ZNF250: variants seen among roughly 807,000 people sequenced by gnomAD.
ZNF250 encodes zinc finger protein (clone 647).
A neutral mutation model predicts 37.1 loss-of-function variants in ZNF250; 13 were observed. The ratio of observed to expected loss-of-function variants is 0.35; its 90% CI spans 0.23 to 0.56. The LOEUF is 0.56. Among genes scored for constraint, ZNF250 ranks in the 20% least tolerant of loss-of-function variants. The pLI is 0.87. For synonymous variants in ZNF250, 251 were observed against 265.6 expected (o/e 0.94, Z 0.54); for missense variants, 474 against 697.9 (o/e 0.68, Z 3.61).
In ZNF250 at chr8:144,890,738, G is replaced by A. The variant is rs547891714; in HGVS notation, c.-54-335C>T. On this transcript the variant is annotated intron_variant, in intron 1 of 5. Coordinates refer to ENST00000417550, the MANE Select transcript of ZNF250 (RefSeq NM_001109689.4). The surrounding 1 kb of genome is among the most constrained non-coding windows in gnomAD (Gnocchi z 5.1). ...AAGGATACCAGCTCACCAAGGCTCTGTGTGTTCTATACCTGAGGCCCTCAC... is the reference window on the plus strand; with the variant it reads ...AAGGATACCAGCTCACCAAGGCTCTATGTGTTCTATACCTGAGGCCCTCAC... Among the ~76,000 whole-genome samples the A allele has an allele frequency of 6.6e-6, 1 of 152,286 alleles. No individual in the cohort carries two copies. Among genetic ancestry groups the A allele is most frequent in the South Asian group, 2.1e-4 (1 of 4,824 alleles).
intron 1 of ZNF250, among the ~76,000 whole-genome samples, chr8:144,899,021 T>G (rs1832910139): frequency 6.6e-6 from 1 of 152,198 alleles, no homozygotes; most frequent in Admixed American, 6.5e-5. Context: ...ATGTGGTATA[T>G]GTACACAATG....
rs1325381651 is a variant in ZNF250 at position 144,890,224 on chromosome 8, G to T, written c.42+84C>A. The T allele has an allele frequency of 3.3e-6, 5 of 1,501,912 alleles. No individual in the cohort carries two copies. Among genetic ancestry groups the T allele is most frequent in the Non-Finnish European group, 3.6e-6 (4 of 1,099,590 alleles). The allele number at this position is 1,501,912 out of a possible 1,614,324, so 93.0% of individuals were successfully genotyped here. A position where few individuals can be genotyped will look rare whatever the true frequency, so the allele number is the denominator to read the frequency against. On this transcript the variant is annotated intron_variant, in intron 2 of 5. Transcript: ENST00000417550. This position sits in a 1 kb window ranked among gnomAD's most constrained non-coding sequence, Gnocchi z 5.1. Reference sequence around the variant, plus strand: ...GTTCAGGGCATGTGGTGACGCTCTGGCTGCTCTTAGGAGCTCTACGGGGCA... The same window carrying T: ...GTTCAGGGCATGTGGTGACGCTCTGTCTGCTCTTAGGAGCTCTACGGGGCA...
At position 144,882,917 on chromosome 8, in the gene ZNF250, G is replaced by A. The variant is rs1831601562; in HGVS notation, c.347-81C>T. The A allele has an allele frequency of 6.6e-7, 1 of 1,506,884 alleles. No homozygotes were observed. The highest frequency in any genetic ancestry group is 1.3e-5 in the South Asian group (1 of 75,798). 93.3% of individuals were successfully genotyped at this position (1,506,884 alleles called of 1,614,324 possible). On this transcript the variant is annotated intron_variant, in intron 5 of 5. Coordinates refer to ENST00000417550, the MANE Select transcript of ZNF250 (RefSeq NM_001109689.4). The surrounding 1 kb of genome is among the most constrained non-coding windows in gnomAD (Gnocchi z 5.5). ...GTGCAACCCTGAAACTGGCCTTGCT[G>A]ATGAAGGTGCAAAATCCCTCAATGC...
At position 144,881,697 on chromosome 8, in the gene ZNF250, G is replaced by A. The variant is rs2129674502; in HGVS notation, c.1486C>T (p.His496Tyr). The A allele has an allele frequency of 6.2e-7, 1 of 1,614,072 alleles. No homozygotes were observed. The highest frequency in any genetic ancestry group is 2.2e-5 in the East Asian group (1 of 44,876). The change falls in exon 6 of 6, where the codon CAC becomes TAC. Residue 496 changes from histidine to tyrosine, a missense_variant. By Grantham distance (83) the His-to-Tyr change is moderately conservative. Transcript: ENST00000417550. ...CACTCATATGGCTTCTCGCCCGTGT[G>A]GGTCCTCAGGTGCACAATCAGAGTT... ...KATLIVHLRT[H>Y]TGEKPYECNS...
In ZNF250 at chr8:144,880,560, G is replaced by T. The variant is rs927971864; in HGVS notation, c.*955C>A. On this transcript the variant is annotated 3_prime_UTR_variant, in exon 6 of 6. Transcript: ENST00000417550. ...TTTCTGATCTTGAATAAAGTTAAAAGCTCCAGATAAAGGGTTTTCTAGGCC... is the reference window on the plus strand; with the variant it reads ...TTTCTGATCTTGAATAAAGTTAAAATCTCCAGATAAAGGGTTTTCTAGGCC... 4.4e-6 allele frequency: 2 copies of T among 451,934 alleles called. No homozygotes were observed. Among genetic ancestry groups the T allele is most frequent in the Admixed American group, 4.7e-5 (2 of 42,242 alleles). The allele number at this position is 451,934 out of a possible 1,614,324, so 28.0% of individuals were successfully genotyped here.
chr8:144,887,252 CAAAAAAAAAA>C (rs56677445), intron 4 of ZNF250, among the ~76,000 whole-genome samples: 2,779 of 63,106 alleles, frequency 0.044, 160 homozygotes, highest in East Asian at 0.3. Flanking sequence ...CTCCGTCTCT[CAAAAAAAAAA>C]AAAAAAAAAA....
rs1030805941 is a variant in ZNF250 at position 144,879,270 on chromosome 8, C to A, written c.*2245G>T. 1 of 152,212 alleles carries A rather than the reference C, an allele frequency of 6.6e-6. No individual in the cohort carries two copies. The highest frequency in any genetic ancestry group is 2.4e-5 in the African/African-American group (1 of 41,450). 9.4% of individuals were successfully genotyped at this position (152,212 alleles called of 1,614,324 possible). The stretch of plus-strand genomic sequence containing the variant: ...TTTCAGTTGCTCTGAAGTAAAACAC[C>A]AGTGATGTCAGCTCCTTTCTCAAGT... On this transcript the variant is annotated 3_prime_UTR_variant, in exon 6 of 6. Transcript: ENST00000417550.
Position 144,880,623 on chromosome 8 carries a change from G to A in ZNF250, c.*892C>T, listed in dbSNP as rs192863216. ...TCACGCCTGTAATCCCAACACTTTC[G>A]GAAGCAAAGGTGGGAGGATCACTTG... is the stretch of plus-strand genomic sequence containing the variant. On this transcript the variant is annotated 3_prime_UTR_variant, in exon 6 of 6. Coordinates refer to ENST00000417550, the MANE Select transcript of ZNF250 (RefSeq NM_001109689.4). 21 of 388,626 alleles carry A rather than the reference G, an allele frequency of 5.4e-5. No homozygotes were observed. Among genetic ancestry groups the A allele is most frequent in the African/African-American group, 4.0e-4 (19 of 48,030 alleles). 24.1% of individuals were successfully genotyped at this position (388,626 alleles called of 1,614,324 possible).
intron 1 of ZNF250, among the ~76,000 whole-genome samples, chr8:144,894,741 T>A (rs1387288340): frequency 6.6e-6 from 1 of 151,988 alleles, no homozygotes; most frequent in Non-Finnish European, 1.5e-5. Context: ...CAATGCAGCC[T>A]CCAACTCCTG....
Position 144,882,356 on chromosome 8 carries a change from T to C in ZNF250, c.827A>G (p.Lys276Arg), listed in dbSNP as rs2129685997. Reference protein sequence around the residue: ...AQHHKIHTGEKPHECLECRKA... With the variant: ...AQHHKIHTGERPHECLECRKA... Reference sequence around the variant, plus strand: ...CCGACACTCAAGACATTCGTGAGGCTTCTCTCCTGTATGTATCTTGTGATG... The same window carrying C: ...CCGACACTCAAGACATTCGTGAGGCCTCTCTCCTGTATGTATCTTGTGATG... The change falls in exon 6 of 6, where the codon AAG (lysine) becomes AGG (arginine). Residue 276 changes from lysine to arginine, a missense_variant. Physicochemically the swap from Lys to Arg is conservative, Grantham distance 26. This residue lies in a region of ZNF250 where 282 missense variants were observed against 470.4 expected (regional missense o/e 0.60). Transcript: ENST00000417550. The surrounding 1 kb of genome is among the most constrained non-coding windows in gnomAD (Gnocchi z 5.5). The C allele has an allele frequency of 6.2e-7, 1 of 1,613,990 alleles. No individual in the cohort carries two copies. The highest frequency in any genetic ancestry group is 2.2e-5 in the East Asian group (1 of 44,880).
At chr8:144,895,232 C>T (rs1053151698) in intron 1 of ZNF250, 6 of 152,150 alleles carry the variant, frequency 3.9e-5, no homozygotes, top group Non-Finnish European at 8.8e-5. Flanking sequence ...AAGTTACACA[C>T]CTGCTAAAGA....
intron 4 of ZNF250, among the ~76,000 whole-genome samples, chr8:144,888,631 C>G (rs1165742161): frequency 6.7e-6 from 1 of 149,590 alleles, no homozygotes; most frequent in African/African-American, 2.5e-5. Context: ...TTGTATCCAG[C>G]AAAACTGGTA....
chr8:144,888,999 A>G (rs746718312), intron 4 of ZNF250, among the ~76,000 whole-genome samples: 6 of 152,048 alleles, frequency 3.9e-5, no homozygotes, highest in Non-Finnish European at 8.8e-5. Flanking sequence ...TGATCTCCTG[A>G]CCTCGTGATC....
Position 144,886,603 on chromosome 8 carries a change from A to T in ZNF250, c.346+237T>A, listed in dbSNP as rs192248194. ...AAAGGAAACAAAATGATTTCACCGA[A>T]ATAAATGTTTAATTATAAAAACCCA... On this transcript the variant is annotated intron_variant, in intron 5 of 5. Coordinates refer to ENST00000417550, the MANE Select transcript of ZNF250 (RefSeq NM_001109689.4). 7.9e-5 allele frequency among the ~76,000 whole-genome samples: 12 copies of T among 152,334 alleles called. No individual in the cohort carries two copies. The East Asian group carries it at 2.3e-3, about 29-fold the overall frequency.
At position 144,890,831 on chromosome 8, in the gene ZNF250, A is replaced by T. The variant is rs1586911096; in HGVS notation, c.-54-428T>A. Among the ~76,000 whole-genome samples the T allele has an allele frequency of 6.6e-6, 1 of 151,646 alleles. No homozygotes were observed. Among genetic ancestry groups the T allele is most frequent in the Admixed American group, 6.6e-5 (1 of 15,216 alleles). On this transcript the variant is annotated intron_variant, in intron 1 of 5. Transcript: ENST00000417550. The surrounding 1 kb of genome is among the most constrained non-coding windows in gnomAD (Gnocchi z 5.1). ...ATCAGGCCAAGCTGCTTCCCCAAAC[A>T]CCCTCCCAATTAAGAAAGCCTTGGC... is the stretch of plus-strand genomic sequence containing the variant.
At position 144,890,492 on chromosome 8, in the gene ZNF250, G is replaced by A; in HGVS notation, c.-54-89C>T. ...TCAGGGGATCCCTGGGCCTCATTCA[G>A]AGTCACTGAGGGGCACACTGAGGTC... is the stretch of plus-strand genomic sequence containing the variant. On this transcript the variant is annotated intron_variant, in intron 1 of 5. Transcript: ENST00000417550. This position sits in a 1 kb window ranked among gnomAD's most constrained non-coding sequence, Gnocchi z 5.1. The A allele has an allele frequency of 1.4e-6, 1 of 737,366 alleles. No individual in the cohort carries two copies. Among genetic ancestry groups the A allele is most frequent in the Non-Finnish European group, 2.0e-6 (1 of 491,216 alleles). The allele number at this position is 737,366 out of a possible 1,614,324, so 45.7% of individuals were successfully genotyped here.
chr8:144,880,272 T>A lies in ZNF250; in HGVS notation c.*1243A>T, dbSNP rs1000031593. 3.2e-6 allele frequency: 1 copy of A among 308,588 alleles called. No homozygotes were observed. The highest frequency in any genetic ancestry group is 2.2e-5 in the African/African-American group (1 of 46,150). The allele number at this position is 308,588 out of a possible 1,614,324, so 19.1% of individuals were successfully genotyped here. ...GATAGTAAAAAAGAGCTATCTGAAT[T>A]TGAGAAATGTATGTTTTAAATATAT... On this transcript the variant is annotated 3_prime_UTR_variant, in exon 6 of 6. Coordinates refer to ENST00000417550, the MANE Select transcript of ZNF250 (RefSeq NM_001109689.4).
Position 144,880,440 on chromosome 8 carries a change from G to C in ZNF250, c.*1075C>G, listed in dbSNP as rs544399096. 1 of 456,758 alleles carries C rather than the reference G, an allele frequency of 2.2e-6. No homozygotes were observed. The highest frequency in any genetic ancestry group is 1.5e-5 in the South Asian group (1 of 64,564). The allele number at this position is 456,758 out of a possible 1,614,324, so 28.3% of individuals were successfully genotyped here. A position where few individuals can be genotyped will look rare whatever the true frequency, so the allele number is the denominator to read the frequency against. On this transcript the variant is annotated 3_prime_UTR_variant, in exon 6 of 6. Coordinates refer to ENST00000417550, the MANE Select transcript of ZNF250 (RefSeq NM_001109689.4). Reference sequence around the variant, plus strand: ...CTGCATGGGAATTGAGACATCTCACGGTTTCTGGGGCACAGGATCTGCAGG... The same window carrying C: ...CTGCATGGGAATTGAGACATCTCACCGTTTCTGGGGCACAGGATCTGCAGG...
chr8:144,900,227 A>G (rs1278451675), intron 1 of ZNF250, among the ~76,000 whole-genome samples: 2 of 152,210 alleles, frequency 1.3e-5, no homozygotes, highest in Non-Finnish European at 2.9e-5. Flanking sequence ...GGGAATGTCA[A>G]TGGCAATCTC....
Sources: allele counts gnomAD v4.1 joint callset (sites outside exome capture counted in the v4.1 genomes callset), GRCh38; gene constraint gnomAD v4.1.1; regional missense constraint gnomAD v4.1.1; non-coding constraint Gnocchi (gnomAD v3.1); transcripts MANE v1.5; gene names NCBI Gene and HGNC (gene_info 2026-07-23, HGNC 2026-07-21).